Variants in IL1RAP observed in about 807,000 individuals in gnomAD.
IL1RAP encodes the protein interleukin-1 receptor accessory protein.
In IL1RAP, 35 loss-of-function variants were observed where a neutral mutation model predicts 60.7. That is an observed-to-expected ratio of 0.58 (90% CI 0.44 to 0.76). The LOEUF (loss-of-function observed/expected upper bound fraction) is 0.76, where lower values mean the gene tolerates loss of function less well. Ranked by LOEUF, IL1RAP falls within the 30% of genes least tolerant of loss-of-function variation. The probability of loss-of-function intolerance (pLI) is 0.00; values close to 1 mark genes in which losing one functional copy is unlikely to be tolerated. For missense variants in IL1RAP, 572 were observed against 693.9 expected (o/e 0.82, Z 1.97); for synonymous variants, 268 against 250.9 (o/e 1.07, Z -0.64).
At chr3:190,561,984 T>C (rs1244583138) in intron 2 of IL1RAP, among the ~76,000 whole-genome samples, 2 of 152,178 alleles carry the variant, frequency 1.3e-5, no homozygotes, top group Non-Finnish European at 2.9e-5. Context: ...GGTGACTCCC[T>C]ATTTGCTCTT....
chr3:190,530,806 A>G (rs769161873), intron 1 of IL1RAP, among the ~76,000 whole-genome samples: 1 of 152,220 alleles, frequency 6.6e-6, no homozygotes, highest in Non-Finnish European at 1.5e-5. Flanking sequence ...TCTTATGTGT[A>G]TCCAAGTGCC....
chr3:190,517,255 A>C (rs977928956), intron 1 of IL1RAP, among the ~76,000 whole-genome samples: 10 of 152,242 alleles, frequency 6.6e-5, no homozygotes, highest in Non-Finnish European at 1.2e-4. Context: ...GAAGACATAA[A>C]GTACAGAATT....
At chr3:190,607,962 A>C (rs987182117) in intron 4 of IL1RAP, among the ~76,000 whole-genome samples, 1 of 152,182 alleles carries the variant, frequency 6.6e-6, no homozygotes, top group Non-Finnish European at 1.5e-5. Flanking sequence ...TTGCTAGGGC[A>C]AAAACAAAGG....
In IL1RAP at chr3:190,573,751, A is replaced by G. The variant is rs185940385; in HGVS notation, c.64+9398A>G. 5.9e-5 allele frequency among the ~76,000 whole-genome samples: 9 copies of G among 152,360 alleles called. No homozygotes were observed. The East Asian group carries it at 1.3e-3, about 23-fold the overall frequency. Reference sequence around the variant, plus strand: ...GGTTTTTAATCACTAAAAGAAGACCATGTTAAGCTAAACATGGCTTTAAAT... The same window carrying G: ...GGTTTTTAATCACTAAAAGAAGACCGTGTTAAGCTAAACATGGCTTTAAAT... On this transcript the variant is annotated intron_variant, in intron 3 of 11. Transcript: ENST00000447382.
intron 7 of IL1RAP, among the ~76,000 whole-genome samples, chr3:190,624,345 T>C (rs1732044558): frequency 6.6e-6 from 1 of 152,236 alleles, no homozygotes. Flanking sequence ...TGGTCAGACC[T>C]CCTCACAGAA....
chr3:190,654,506 A>C (rs1734541527), downstream of IL1RAP, among the ~76,000 whole-genome samples: 1 of 152,154 alleles, frequency 6.6e-6, no homozygotes, highest in African/African-American at 2.4e-5. Flanking sequence ...GTCTCTAAAA[A>C]CATTTTTGCA....
intron 3 of IL1RAP, among the ~76,000 whole-genome samples, chr3:190,566,258 C>T (rs1726388434): frequency 6.6e-6 from 1 of 152,148 alleles, no homozygotes. Flanking sequence ...TACATCCTTT[C>T]CCCTGCCCCC....
chr3:190,545,320 C>A (rs1724275686), intron 1 of IL1RAP, among the ~76,000 whole-genome samples: 1 of 152,106 alleles, frequency 6.6e-6, no homozygotes, highest in Admixed American at 6.5e-5. Flanking sequence ...TAATTCACTG[C>A]CGGATCATTC....
At position 190,651,097 on chromosome 3, in the gene IL1RAP, G is replaced by T; in HGVS notation, c.*2392G>T. 4 of 984,840 alleles carry T rather than the reference G, an allele frequency of 4.1e-6. No individual in the cohort carries two copies. The highest frequency in any genetic ancestry group is 4.8e-6 in the Non-Finnish European group (4 of 829,626). 61.0% of individuals were successfully genotyped at this position (984,840 alleles called of 1,614,324 possible). A position where few individuals can be genotyped will look rare whatever the true frequency, so the allele number is the denominator to read the frequency against. On this transcript the variant is annotated 3_prime_UTR_variant, in exon 12 of 12. Coordinates refer to ENST00000447382, the MANE Select transcript of IL1RAP (RefSeq NM_002182.4). Reference sequence around the variant, plus strand: ...TTTTTTTTTAATGTTCCAGAAGATGGCCAATAGAGAACATTCAAGGGAAAT... The same window carrying T: ...TTTTTTTTTAATGTTCCAGAAGATGTCCAATAGAGAACATTCAAGGGAAAT...
intron 1 of IL1RAP, among the ~76,000 whole-genome samples, chr3:190,522,630 G>C (rs1722186150): frequency 1.4e-5 from 2 of 138,092 alleles, no homozygotes; most frequent in South Asian, 5.0e-4. Context: ...GAGAGGGGGA[G>C]TATATCAAGT....
At chr3:190,576,536 C>T (rs559879872) in intron 3 of IL1RAP, among the ~76,000 whole-genome samples, 2 of 152,028 alleles carry the variant, frequency 1.3e-5, no homozygotes, top group Non-Finnish European at 2.9e-5. Context: ...AACCAACATG[C>T]GATGCCATTT....
intron 7 of IL1RAP, among the ~76,000 whole-genome samples, chr3:190,625,473 A>T (rs929729): frequency 2.0e-5 from 3 of 151,926 alleles, no homozygotes; most frequent in Admixed American, 1.3e-4. Flanking sequence ...TGAAAAAAAT[A>T]AATCAATTAA....
At chr3:190,645,661 T>A in intron 10 of IL1RAP, 38 bp from the exon 11 acceptor site, 1 of 1,525,486 alleles carries the variant, frequency 6.6e-7, no homozygotes, top group South Asian at 1.2e-5. Flanking sequence ...ATTGAGAAAC[T>A]TTCCTAATTT....
At chr3:190,595,098 T>C (rs1427620485) in intron 3 of IL1RAP, among the ~76,000 whole-genome samples, 1 of 150,240 alleles carries the variant, frequency 6.7e-6, no homozygotes, top group Non-Finnish European at 1.5e-5. Flanking sequence ...TTCAACATTC[T>C]ATATATTTTT....
chr3:190,528,123 G>A (rs1722671987), intron 1 of IL1RAP, among the ~76,000 whole-genome samples: 2 of 152,092 alleles, frequency 1.3e-5, no homozygotes, highest in Admixed American at 1.3e-4. Flanking sequence ...AATTGGAGTG[G>A]ACTGTAATTC....
intron 1 of IL1RAP, among the ~76,000 whole-genome samples, chr3:190,545,734 T>C (rs1724309897): frequency 1.3e-5 from 2 of 152,312 alleles, no homozygotes; most frequent in South Asian, 2.1e-4. Context: ...TTCTGTAAAA[T>C]GGGATTGAAA....
chr3:190,565,649 G>A (rs957619667), intron 3 of IL1RAP, among the ~76,000 whole-genome samples: 2 of 152,168 alleles, frequency 1.3e-5, no homozygotes, highest in Non-Finnish European at 2.9e-5. Context: ...AACCGGAGAT[G>A]TTATTCGGCT....
intron 1 of IL1RAP, among the ~76,000 whole-genome samples, chr3:190,555,136 TTCTATGC>T (rs1244168114): frequency 6.6e-6 from 1 of 152,184 alleles, no homozygotes; most frequent in Non-Finnish European, 1.5e-5. Context: ...TAAGAAACTT[TTCTATGC>T]TGGGAAAAGT....
At chr3:190,628,803 T>A (rs1411371613) in intron 8 of IL1RAP, among the ~76,000 whole-genome samples, 1 of 152,210 alleles carries the variant, frequency 6.6e-6, no homozygotes, top group Non-Finnish European at 1.5e-5. Context: ...AATACCTACA[T>A]GAATATTTAT....
Sources: allele counts gnomAD v4.1 joint callset (sites outside exome capture counted in the v4.1 genomes callset), GRCh38; gene constraint gnomAD v4.1.1; transcripts MANE v1.5; gene names NCBI Gene and HGNC (gene_info 2026-07-23, HGNC 2026-07-21).